The following DMD variants were observed in gnomAD, a reference collection of about 807,000 sequenced individuals.
The protein encoded by DMD is mutant dystrophin.
In DMD, 63 loss-of-function variants were observed where a neutral mutation model predicts 330.1. The ratio of observed to expected loss-of-function variants is 0.19; its 90% CI spans 0.16 to 0.24. The LOEUF (loss-of-function observed/expected upper bound fraction) is 0.24, where lower values mean the gene tolerates loss of function less well. Among genes scored for constraint, DMD ranks in the 10% least tolerant of loss-of-function variants. The pLI is 1.00. For missense variants in DMD, 3,344 were observed against 2,684.1 expected, an observed-to-expected ratio of 1.25 and a Z score of -5.43; for synonymous variants, 1,223 against 959.8, an observed-to-expected ratio of 1.27 and a Z score of -5.07.
intron 1 of DMD, among the ~76,000 whole-genome samples, chrX:33,266,894 G>A (rs367983640): frequency 2.5e-4 from 28 of 110,473 alleles, no homozygotes; most frequent in African/African-American, 8.5e-4. Context: ...ACATCATACC[G>A]AATGGGCAAA....
intron 19 of DMD, among the ~76,000 whole-genome samples, chrX:32,496,488 C>A (rs1415009846): frequency 9.0e-6 from 1 of 111,441 alleles, no homozygotes; most frequent in Admixed American, 9.5e-5. Flanking sequence ...AAGTAATACC[C>A]CTAGTGAGGG....
chrX:32,449,575 C>A (rs977571231), intron 26 of DMD, among the ~76,000 whole-genome samples: 1 of 107,120 alleles, frequency 9.3e-6, no homozygotes, highest in African/African-American at 3.4e-5. Flanking sequence ...AAGCACAAAT[C>A]CTACAATGTT....
chrX:33,243,541 C>T (rs1016795336), intron 1 of DMD, among the ~76,000 whole-genome samples: 1 of 111,735 alleles, frequency 8.9e-6, no homozygotes, highest in African/African-American at 3.3e-5. Context: ...AGTATTCTCA[C>T]AACTGGGTAT....
At chrX:31,652,079 A>C (rs2080487769) in intron 54 of DMD, among the ~76,000 whole-genome samples, 3 of 111,929 alleles carry the variant, frequency 2.7e-5, no homozygotes, top group Admixed American at 1.9e-4. Context: ...TCTCCCTTTT[A>C]AGGTTCCTTC....
chrX:32,216,823 C>A (rs1188507013), intron 44 of DMD, 93 bp downstream of exon 44: 6 of 823,847 alleles, frequency 7.3e-6, no homozygotes, highest in Non-Finnish European at 1.1e-5. Context: ...AAAGTAATTT[C>A]CATCACCCTT....
chrX:32,721,220 C>A (rs1196070498), intron 7 of DMD, among the ~76,000 whole-genome samples: 3 of 110,623 alleles, frequency 2.7e-5, no homozygotes, highest in Non-Finnish European at 5.7e-5. Flanking sequence ...GGTCTATACC[C>A]AGGAGTGGGA....
chrX:32,150,631 T>C (rs2096799424), intron 44 of DMD, among the ~76,000 whole-genome samples: 1 of 111,467 alleles, frequency 9.0e-6, no homozygotes, highest in African/African-American at 3.3e-5. Flanking sequence ...GCAGCACCTT[T>C]TTTGCTATCA....
At chrX:31,530,765 G>A (rs1166105303) in intron 55 of DMD, among the ~76,000 whole-genome samples, 1 of 61,392 alleles carries the variant, frequency 1.6e-5, no homozygotes, top group African/African-American at 6.5e-5. Context: ...ATGCTGGTGC[G>A]CTGCACCCAC....
At chrX:31,228,267 T>TAAA (rs1367757647) in intron 63 of DMD, among the ~76,000 whole-genome samples, 1 of 39,580 alleles carries the variant, frequency 2.5e-5, no homozygotes, top group Non-Finnish European at 4.1e-5. Context: ...AAAAAAAAAA[T>TAAA]AAAAAAATAA....
At chrX:32,482,066 A>T (rs762425171) in intron 21 of DMD, among the ~76,000 whole-genome samples, 13 of 111,881 alleles carry the variant, frequency 1.2e-4, no homozygotes, top group Non-Finnish European at 2.1e-4. Context: ...AAACCAATAA[A>T]ATCCCTAATA....
intron 5 of DMD, among the ~76,000 whole-genome samples, chrX:32,821,076 T>A (rs760101917): frequency 2.7e-5 from 3 of 111,312 alleles, no homozygotes; most frequent in African/African-American, 9.8e-5. Context: ...TTAAGGCTCC[T>A]ATGAGCTATT....
chrX:31,293,194 A>G (rs61685327), intron 62 of DMD, among the ~76,000 whole-genome samples: 2,258 of 39,621 alleles, frequency 0.057, 142 homozygotes, highest in East Asian at 0.16. Flanking sequence ...GTGTGTGTGT[A>G]GTCTGGTTTA....
intron 19 of DMD, among the ~76,000 whole-genome samples, chrX:32,494,205 G>A (rs1001556068): frequency 9.0e-6 from 1 of 111,064 alleles, no homozygotes; most frequent in African/African-American, 3.3e-5. Flanking sequence ...TCTATGTTTT[G>A]CCCCCCAAAA....
At chrX:31,913,994 G>A (rs2094578214) in intron 47 of DMD, among the ~76,000 whole-genome samples, 1 of 112,159 alleles carries the variant, frequency 8.9e-6, no homozygotes, top group African/African-American at 3.2e-5. Flanking sequence ...TGCTTTCCTT[G>A]TTTGCATCAC....
At chrX:33,218,242 G>T (rs1419159727) in intron 1 of DMD, among the ~76,000 whole-genome samples, 2 of 111,235 alleles carry the variant, frequency 1.8e-5, no homozygotes, top group Non-Finnish European at 3.8e-5. Context: ...GTAAAAATTT[G>T]TTAAGGCTTT....
intron 43 of DMD, among the ~76,000 whole-genome samples, chrX:32,220,646 AT>A (rs1298696055): frequency 9.0e-6 from 1 of 110,803 alleles, no homozygotes; most frequent in Non-Finnish European, 1.9e-5. Flanking sequence ...AATGAAAAAA[AT>A]ATATATATAT....
At chrX:33,115,549 T>G (rs2095375388) in intron 1 of DMD, among the ~76,000 whole-genome samples, 1 of 108,339 alleles carries the variant, frequency 9.2e-6, no homozygotes, top group African/African-American at 3.4e-5. Context: ...TCTCGCTCTG[T>G]GGCCCAGGCT....
In DMD at chrX:32,164,939, G is replaced by A. The variant is rs142261698; in HGVS notation, c.6438+51977C>T. Reference sequence around the variant, plus strand: ...AGTCCCAAGCTTTGGCAACTGCCACGTGGTGTTGAGTCTGTGGATACACAG... The same window carrying A: ...AGTCCCAAGCTTTGGCAACTGCCACATGGTGTTGAGTCTGTGGATACACAG... On this transcript the variant is annotated intron_variant, in intron 44 of 78. Coordinates refer to ENST00000357033, the MANE Select transcript of DMD (RefSeq NM_004006.3). Among the ~76,000 whole-genome samples, 135 of 112,368 alleles carry A rather than the reference G, an allele frequency of 1.2e-3. 1 individual carries two copies. The East Asian group carries it at 0.019, about 15-fold the overall frequency.
At chrX:31,593,193 C>A (rs2148143247) in intron 55 of DMD, among the ~76,000 whole-genome samples, 1 of 111,050 alleles carries the variant, frequency 9.0e-6, no homozygotes, top group East Asian at 2.8e-4. Context: ...ATTTTTATTG[C>A]CTCCGTATTA....
Sources: gnomAD v4.1 joint callset for allele counts (sites outside exome capture counted in the v4.1 genomes callset) on GRCh38, gnomAD v4.1.1 for gene constraint, MANE v1.5 for transcripts, NCBI Gene and HGNC (gene_info 2026-07-23, HGNC 2026-07-21) for gene names.